Variants in ST6GALNAC5 observed in about 807,000 individuals in gnomAD.
ST6GALNAC5 encodes ST6 N-acetylgalactosaminide alpha-2,6-sialyltransferase 5, also known as alpha-N-acetylgalactosaminide alpha-2,6-sialyltransferase 5.
A neutral mutation model predicts 33.6 loss-of-function variants in ST6GALNAC5; 27 were observed. The ratio of observed to expected loss-of-function variants is 0.80; its 90% CI spans 0.59 to 1.11. ST6GALNAC5 has a LOEUF of 1.11. Ranked by LOEUF, ST6GALNAC5 falls within the 50% of genes least tolerant of loss-of-function variation. The pLI is 0.00. For missense variants in ST6GALNAC5, 428 were observed against 454.0 expected, an observed-to-expected ratio of 0.94 and a Z score of 0.52; for synonymous variants, 194 against 171.2, an observed-to-expected ratio of 1.13 and a Z score of -1.04.
At chr1:76,913,315 T>A (rs369168662) in intron 2 of ST6GALNAC5, among the ~76,000 whole-genome samples, 2,333 of 147,100 alleles carry the variant, frequency 0.016, 90 homozygotes, top group African/African-American at 0.06. Flanking sequence ...CTTCTCTTTG[T>A]GGGTAACCCG....
intron 2 of ST6GALNAC5, among the ~76,000 whole-genome samples, chr1:76,948,434 AAG>A (rs1268853125): frequency 6.6e-6 from 1 of 152,090 alleles, no homozygotes; most frequent in Non-Finnish European, 1.5e-5. Flanking sequence ...CCTTCAGAGA[AAG>A]AGAACGTTCA....
chr1:76,952,561 C>T (rs1233066430), intron 2 of ST6GALNAC5, among the ~76,000 whole-genome samples: 1 of 151,820 alleles, frequency 6.6e-6, no homozygotes, highest in Admixed American at 6.6e-5. Flanking sequence ...TGGTCTCAAC[C>T]CAAAGAAATG....
intron 2 of ST6GALNAC5, among the ~76,000 whole-genome samples, chr1:76,920,617 T>C (rs1259965503): frequency 6.6e-6 from 1 of 152,208 alleles, no homozygotes; most frequent in African/African-American, 2.4e-5. Flanking sequence ...TCTTACCTCC[T>C]TCTGAAAAGT....
At chr1:76,911,794 G>T (rs572051396) in intron 2 of ST6GALNAC5, among the ~76,000 whole-genome samples, 1 of 151,162 alleles carries the variant, frequency 6.6e-6, no homozygotes, top group Non-Finnish European at 1.5e-5. Context: ...GTTTGATTGC[G>T]TCTATTTGAT....
At chr1:77,058,198 C>A (rs560556971) in intron 4 of ST6GALNAC5, among the ~76,000 whole-genome samples, 1 of 152,352 alleles carries the variant, frequency 6.6e-6, no homozygotes, top group African/African-American at 2.4e-5. Context: ...TGGTCCAAAC[C>A]TTGGCTGCGA....
chr1:76,895,151 C>T (rs1203685311), intron 2 of ST6GALNAC5, among the ~76,000 whole-genome samples: 2 of 152,006 alleles, frequency 1.3e-5, no homozygotes, highest in Admixed American at 6.6e-5. Context: ...AGGCAGGAAC[C>T]GGCCATCTGG....
At chr1:76,928,506 C>T (rs957364872) in intron 2 of ST6GALNAC5, among the ~76,000 whole-genome samples, 10 of 152,078 alleles carry the variant, frequency 6.6e-5, no homozygotes, top group African/African-American at 2.4e-4. Flanking sequence ...GCTCCATTGC[C>T]TTACTTAGGT....
At chr1:76,930,780 GTATTCA>G (rs1202691176) in intron 2 of ST6GALNAC5, among the ~76,000 whole-genome samples, 1 of 152,064 alleles carries the variant, frequency 6.6e-6, no homozygotes, top group African/African-American at 2.4e-5. Flanking sequence ...ACACCTCCAT[GTATTCA>G]TGTATTCATT....
intron 2 of ST6GALNAC5, among the ~76,000 whole-genome samples, chr1:76,882,661 A>G (rs866683675): frequency 2.0e-5 from 3 of 152,280 alleles, no homozygotes; most frequent in African/African-American, 7.2e-5. Flanking sequence ...AGTGCCAAAT[A>G]ATTTTTTAAT....
At chr1:76,978,611 T>C (rs1365241214) in intron 2 of ST6GALNAC5, among the ~76,000 whole-genome samples, 1 of 152,162 alleles carries the variant, frequency 6.6e-6, no homozygotes. Context: ...AAATTGCATA[T>C]CAAAGGAACA....
chr1:76,957,287 T>G (rs1648040520), intron 2 of ST6GALNAC5, among the ~76,000 whole-genome samples: 1 of 152,140 alleles, frequency 6.6e-6, no homozygotes, highest in Non-Finnish European at 1.5e-5. Flanking sequence ...GTCCTTGGGT[T>G]CCTTGGCTTG....
chr1:77,062,364 C>A (rs1652605567), intron 4 of ST6GALNAC5, among the ~76,000 whole-genome samples: 1 of 152,000 alleles, frequency 6.6e-6, no homozygotes. Flanking sequence ...GAGCTGACAC[C>A]CAAAGGTGAG....
intron 2 of ST6GALNAC5, among the ~76,000 whole-genome samples, chr1:76,960,453 T>C (rs1648188220): frequency 6.6e-6 from 1 of 152,148 alleles, no homozygotes; most frequent in African/African-American, 2.4e-5. Flanking sequence ...AAATTAAAAT[T>C]GCTAATGAAG....
At chr1:76,955,518 C>A (rs1647923276) in intron 2 of ST6GALNAC5, among the ~76,000 whole-genome samples, 1 of 152,034 alleles carries the variant, frequency 6.6e-6, no homozygotes, top group South Asian at 2.1e-4. Context: ...CCTTTTTTAA[C>A]ATAGAGTAAA....
In ST6GALNAC5 at chr1:76,868,883, G is replaced by A. The variant is rs1039310508; in HGVS notation, c.261+141G>A. ...AGGGGAGTGGACCCGCTGGGGTAGG[G>A]TGGGCTAGTTCCAACTTGGTATGAA... On this transcript the variant is annotated intron_variant, in intron 2 of 4. Coordinates refer to ENST00000477717, the MANE Select transcript of ST6GALNAC5 (RefSeq NM_030965.3). The surrounding 1 kb of genome is among the most constrained non-coding windows in gnomAD (Gnocchi z 4.3). 1.1e-5 allele frequency: 15 copies of A among 1,326,914 alleles called. No individual in the cohort carries two copies. The African/African-American group carries it at 2.3e-4, about 20-fold the overall frequency. The allele number at this position is 1,326,914 out of a possible 1,614,324, so 82.2% of individuals were successfully genotyped here. A position where few individuals can be genotyped will look rare whatever the true frequency, so the allele number is the denominator to read the frequency against.
intron 2 of ST6GALNAC5, among the ~76,000 whole-genome samples, chr1:76,957,077 T>A (rs974961698): frequency 1.3e-5 from 2 of 152,236 alleles, no homozygotes; most frequent in Non-Finnish European, 2.9e-5. Flanking sequence ...GAAGACTTTT[T>A]ACCTTTACCT....
intron 2 of ST6GALNAC5, among the ~76,000 whole-genome samples, chr1:76,950,573 T>C (rs1163531757): frequency 6.6e-6 from 1 of 152,032 alleles, no homozygotes; most frequent in Non-Finnish European, 1.5e-5. Flanking sequence ...TAGTAATGTA[T>C]AACCTAAGCC....
At chr1:76,922,273 G>T (rs1647041547) in intron 2 of ST6GALNAC5, among the ~76,000 whole-genome samples, 1 of 152,076 alleles carries the variant, frequency 6.6e-6, no homozygotes, top group Admixed American at 6.6e-5. Context: ...TCACTCCAAA[G>T]TAAATGAAAT....
At chr1:77,044,161 A>T in intron 2 of ST6GALNAC5, 43 bp from the exon 3 acceptor site, 1 of 1,550,822 alleles carries the variant, frequency 6.4e-7, no homozygotes, top group Non-Finnish European at 8.7e-7. Context: ...GTGAGGGTTA[A>T]GCCCTTTGCC....
Sources: gnomAD v4.1 joint callset for allele counts (sites outside exome capture counted in the v4.1 genomes callset) on GRCh38, gnomAD v4.1.1 for gene constraint, Gnocchi (gnomAD v3.1) non-coding constraint, MANE v1.5 for transcripts, NCBI Gene and HGNC (gene_info 2026-07-23, HGNC 2026-07-21) for gene names.